Variants in ZNF541 observed in about 807,000 individuals in gnomAD.
ZNF541 encodes the protein zinc finger protein 541.
A neutral mutation model predicts 123.5 loss-of-function variants in ZNF541; 23 were observed. That is an observed-to-expected ratio of 0.19 (90% confidence interval 0.13 to 0.26). The LOEUF is 0.26. Ranked by LOEUF, ZNF541 falls within the 10% of genes least tolerant of loss-of-function variation. The pLI is 1.00. For missense variants in ZNF541, 1,612 were observed against 1,789.9 expected, an observed-to-expected ratio of 0.90 and a Z score of 1.79; for synonymous variants, 751 against 754.5, an observed-to-expected ratio of 1.00 and a Z score of 0.08.
At chr19:47,543,899 C>T (rs1432683606) in intron 5 of ZNF541, among the ~76,000 whole-genome samples, 1 of 152,114 alleles carries the variant, frequency 6.6e-6, no homozygotes, top group African/African-American at 2.4e-5. Context: ...CCACTTCAGC[C>T]TCCCATCCCA....
rs1223708260 is a variant in ZNF541, at chr19:47,540,204, G to A, written c.2594C>T (p.Pro865Leu). ...SHMCFHSDQW[P>L]SPRGKQEPQV... ...CGGTTCCTGCTTCCCTCGAGGTGAC[G>A]GCCACTGGTCGCTGTGAAAACACAT... The change falls in exon 7 of 17, where the codon CCG becomes CTG. Residue 865 changes from proline to leucine, a missense_variant. This residue lies in a region of ZNF541 where 1,080 missense variants were observed against 1,013.8 expected (regional missense o/e 1.07). Coordinates refer to ENST00000391901, the MANE Select transcript of ZNF541 (RefSeq NM_001277075.3). The A allele has an allele frequency of 4.6e-5, 71 of 1,551,226 alleles. 1 individual carries two copies. Among genetic ancestry groups the A allele is most frequent in the African/African-American group, 6.8e-5 (5 of 73,030 alleles).
intron 2 of ZNF541, among the ~76,000 whole-genome samples, chr19:47,568,375 T>TA (rs1971346849): frequency 1.3e-5 from 2 of 152,094 alleles, no homozygotes; most frequent in African/African-American, 4.8e-5. Context: ...GACAGGGTCT[T>TA]ACTCTGTCGC....
intron 4 of ZNF541, 72 bp from the exon 5 acceptor site, chr19:47,546,052 G>T (rs1269628609): frequency 2.0e-5 from 27 of 1,334,960 alleles, no homozygotes; most frequent in Non-Finnish European, 2.7e-5. Flanking sequence ...GACCCTGGTG[G>T]CCCCCAAAAG....
intron 4 of ZNF541, 93 bp downstream of exon 4, chr19:47,549,152 C>A: frequency 6.6e-7 from 1 of 1,507,376 alleles, no homozygotes; most frequent in Non-Finnish European, 8.9e-7. Context: ...GACGAGACAG[C>A]AGGTTGATCT....
At chr19:47,563,996 T>C (rs1204011590) in intron 2 of ZNF541, among the ~76,000 whole-genome samples, 2 of 152,170 alleles carry the variant, frequency 1.3e-5, no homozygotes, top group Non-Finnish European at 1.5e-5. Flanking sequence ...AAAACCTAGA[T>C]TGTAGTATTA....
intron 1 of ZNF541, among the ~76,000 whole-genome samples, 158 bp from the exon 2 acceptor site, chr19:47,572,200 TAAG>T (rs976390817): frequency 2.0e-5 from 3 of 152,292 alleles, no homozygotes; most frequent in African/African-American, 7.2e-5. Flanking sequence ...GTTTTTTTGG[TAAG>T]AAGAAATAAT....
Position 47,545,801 on chromosome 19 carries a change from T to G in ZNF541, c.728A>C (p.His243Pro). ...GGGGGGCGGCTGGCCGGCCGACTCG[T>G]GGGCGTGGGGGGAGTCCCCGCAGGC... ...EEACGDSPHA[H>P]ESAGQPPPSS... Residue 243 changes from histidine (H) to proline (P), a missense_variant, in exon 5 of 17, where the codon CAC becomes CCC. This residue lies in a region of ZNF541 where 1,080 missense variants were observed against 1,013.8 expected (regional missense o/e 1.07). Transcript: ENST00000391901. This position sits in a 1 kb window ranked among gnomAD's most constrained non-coding sequence, Gnocchi z 7.5. The G allele has an allele frequency of 6.5e-7, 1 of 1,543,146 alleles. No homozygotes were observed. Among genetic ancestry groups the G allele is most frequent in the Non-Finnish European group, 8.7e-7 (1 of 1,143,998 alleles).
intron 2 of ZNF541, among the ~76,000 whole-genome samples, chr19:47,560,530 T>A (rs1051599774): frequency 1.4e-5 from 2 of 145,718 alleles, no homozygotes; most frequent in Non-Finnish European, 3.0e-5. Context: ...GAGCCAAGAT[T>A]GCGCCACTGC....
intron 2 of ZNF541, among the ~76,000 whole-genome samples, 96 bp downstream of exon 2, chr19:47,571,800 C>T (rs540872503): frequency 6.6e-6 from 1 of 152,242 alleles, no homozygotes; most frequent in South Asian, 2.1e-4. Flanking sequence ...ACCATTAGTA[C>T]GGACTTTGGT....
chr19:47,563,869 G>A (rs560402465), intron 2 of ZNF541, among the ~76,000 whole-genome samples: 5 of 152,212 alleles, frequency 3.3e-5, no homozygotes, highest in African/African-American at 7.2e-5. Context: ...GCCTCCCAAA[G>A]TGCTGGGATT....
intron 4 of ZNF541, among the ~76,000 whole-genome samples, chr19:47,548,007 C>T (rs1970427559): frequency 6.9e-6 from 1 of 144,726 alleles, no homozygotes; most frequent in Non-Finnish European, 1.5e-5. Context: ...CACCTCTGCA[C>T]TCCAGCCTGA....
chr19:47,530,335 A>T (rs907940318), intron 12 of ZNF541, among the ~76,000 whole-genome samples: 15 of 131,902 alleles, frequency 1.1e-4, no homozygotes, highest in South Asian at 2.4e-4. Flanking sequence ...CTCCCTGCTA[A>T]TTTTTTTTTT....
chr19:47,532,135 C>T lies in ZNF541; in HGVS notation c.3294G>A (p.Gln1098=), dbSNP rs1413692827. The T allele has an allele frequency of 6.4e-7, 1 of 1,551,712 alleles. No individual in the cohort carries two copies. The highest frequency in any genetic ancestry group is 1.7e-4 in the Middle Eastern group (1 of 5,982). ...CCCCAAAGCCTCAGCCACCTCTATC[C>T]TGTGTCTCTGAGCTGATCATCATAT... is the stretch of plus-strand genomic sequence containing the variant. ...WGDMMISSET[Q]DRVTELCNVA... The change falls in exon 11 of 17, where the codon CAG becomes CAA. Residue 1098 remains glutamine, a synonymous_variant. Coordinates refer to ENST00000391901, the MANE Select transcript of ZNF541 (RefSeq NM_001277075.3).
At chr19:47,528,861 G>C in intron 14 of ZNF541, 89 bp downstream of exon 14, 1 of 1,036,796 alleles carries the variant, frequency 9.6e-7, no homozygotes, top group South Asian at 1.4e-5. Flanking sequence ...GTGAGGGTGG[G>C]GCCCTCCGAC....
chr19:47,521,355 G>A lies in ZNF541; in HGVS notation c.3910C>T (p.Arg1304Ter). The change falls in exon 17 of 17, where the codon CGA (arginine) becomes TGA (stop). Residue 1304 changes from arginine to a stop codon, truncating the protein, a stop_gained. Transcript: ENST00000391901. LOFTEE classifies it high-confidence loss of function. The surrounding 1 kb of genome is among the most constrained non-coding windows in gnomAD (Gnocchi z 4.2). ...CGGTGCCGCTTCATATGGGCATTTC[G>A]ACTCTTGATCTTGTCAAACACCCTG... ...CERVFDKIKS[R>*]NAHMKRHRLQ... The A allele has an allele frequency of 1.3e-6, 2 of 1,551,750 alleles. No individual in the cohort carries two copies. Among genetic ancestry groups the A allele is most frequent in the South Asian group, 1.2e-5 (1 of 84,060 alleles).
At chr19:47,533,057 G>T in intron 9 of ZNF541, 85 bp from the exon 10 acceptor site, 1 of 1,317,130 alleles carries the variant, frequency 7.6e-7, no homozygotes, top group Non-Finnish European at 1.0e-6. Flanking sequence ...GGACGCAGCT[G>T]AAAGCAGGGT....
intron 14 of ZNF541, among the ~76,000 whole-genome samples, chr19:47,523,243 T>C (rs1969123654): frequency 6.7e-6 from 1 of 149,504 alleles, no homozygotes; most frequent in African/African-American, 2.5e-5. Flanking sequence ...TTGGCCAGGC[T>C]GGTCTCGAAC....
rs1304372235 is a variant in ZNF541 at position 47,545,082 on chromosome 19, C to T, written c.1447G>A (p.Ala483Thr). ...PFPAALLRVPAEAPSDPRSAS... is the reference protein window; with the variant it reads ...PFPAALLRVPTEAPSDPRSAS... ...GACCTGGGGTCGCTCGGGGCCTCCGCGGGGACCCTGAGGAGCGCGGCAGGG... is the reference window on the plus strand; with the variant it reads ...GACCTGGGGTCGCTCGGGGCCTCCGTGGGGACCCTGAGGAGCGCGGCAGGG... The change falls in exon 5 of 17, where the codon GCG (alanine) becomes ACG (threonine). Residue 483 changes from alanine (A) to threonine (T), a missense_variant. Physicochemically the swap from Ala to Thr is moderately conservative, Grantham distance 58. Coordinates refer to ENST00000391901, the MANE Select transcript of ZNF541 (RefSeq NM_001277075.3). This position sits in a 1 kb window ranked among gnomAD's most constrained non-coding sequence, Gnocchi z 7.5. The T allele has an allele frequency of 1.4e-6, 2 of 1,477,986 alleles. No homozygotes were observed. Among genetic ancestry groups the T allele is most frequent in the African/African-American group, 1.4e-5 (1 of 71,036 alleles). 91.6% of individuals were successfully genotyped at this position (1,477,986 alleles called of 1,614,324 possible). A position where few individuals can be genotyped will look rare whatever the true frequency, so the allele number is the denominator to read the frequency against.
At chr19:47,571,038 G>T (rs1327764829) in intron 2 of ZNF541, among the ~76,000 whole-genome samples, 2 of 151,756 alleles carry the variant, frequency 1.3e-5, no homozygotes. Flanking sequence ...AAGCAGACAC[G>T]CATCTAAAAG....
Sources: gnomAD v4.1 joint callset for allele counts (sites outside exome capture counted in the v4.1 genomes callset) on GRCh38, gnomAD v4.1.1 for gene constraint, gnomAD v4.1.1 regional missense constraint, Gnocchi (gnomAD v3.1) non-coding constraint, MANE v1.5 for transcripts, NCBI Gene and HGNC (gene_info 2026-07-23, HGNC 2026-07-21) for gene names.